The following MRTFA variants were observed in gnomAD, a reference collection of about 807,000 sequenced individuals.
MRTFA encodes myocardin related transcription factor A.
A neutral mutation model predicts 83.5 loss-of-function variants in MRTFA; 20 were observed. The observed-to-expected ratio is 0.24, with a 90% CI of 0.17 to 0.35. The LOEUF (loss-of-function observed/expected upper bound fraction) is 0.35, where lower values mean the gene tolerates loss of function less well. MRTFA is among the 10% of genes least tolerant of loss of function. The pLI is 1.00. For missense variants in MRTFA, 1,200 were observed against 1,224.7 expected, an observed-to-expected ratio of 0.98 and a Z score of 0.30; for synonymous variants, 659 against 541.2, an observed-to-expected ratio of 1.22 and a Z score of -3.02.
At chr22:40,464,599 A>C (rs921716403) in intron 3 of MRTFA, among the ~76,000 whole-genome samples, 2 of 152,122 alleles carry the variant, frequency 1.3e-5, no homozygotes, top group Non-Finnish European at 2.9e-5. Flanking sequence ...TACATAATTA[A>C]GTCTTCAGGT....
chr22:40,469,195 GC>G (rs1279642461), intron 3 of MRTFA, among the ~76,000 whole-genome samples: 1 of 152,168 alleles, frequency 6.6e-6, no homozygotes, highest in Non-Finnish European at 1.5e-5. Context: ...TCAAATGTGT[GC>G]CCCCTCCAAA....
intron 3 of MRTFA, among the ~76,000 whole-genome samples, chr22:40,510,583 AAT>A (rs1292894358): frequency 6.6e-6 from 1 of 152,206 alleles, no homozygotes; most frequent in Non-Finnish European, 1.5e-5. Flanking sequence ...GCTTTCACTG[AAT>A]CATTAAATAA....
intron 3 of MRTFA, among the ~76,000 whole-genome samples, chr22:40,545,105 T>C (rs1002942902): frequency 6.6e-6 from 1 of 152,148 alleles, no homozygotes; most frequent in Non-Finnish European, 1.5e-5. Context: ...ACTGATTCAA[T>C]GGATGCCAGA....
intron 12 of MRTFA, 103 bp downstream of exon 12, chr22:40,418,271 C>T: frequency 6.6e-7 from 1 of 1,513,252 alleles, no homozygotes; most frequent in Non-Finnish European, 8.8e-7. Context: ...GAAGCAAACA[C>T]AAAATGTCCA....
intron 3 of MRTFA, among the ~76,000 whole-genome samples, chr22:40,505,218 G>A (rs1569301779): frequency 6.6e-6 from 1 of 152,106 alleles, no homozygotes; most frequent in East Asian, 1.9e-4. Flanking sequence ...CTCAAAATTA[G>A]CCCCTGCTAA....
intron 3 of MRTFA, among the ~76,000 whole-genome samples, chr22:40,498,007 G>A (rs1241813472): frequency 6.6e-6 from 1 of 151,550 alleles, no homozygotes; most frequent in Non-Finnish European, 1.5e-5. Flanking sequence ...GGGTGTAGTG[G>A]CGCATGCCTG....
intron 1 of MRTFA, among the ~76,000 whole-genome samples, chr22:40,595,287 T>C (rs187471432): frequency 2.0e-5 from 3 of 149,514 alleles, no homozygotes; most frequent in Non-Finnish European, 4.5e-5. Context: ...CGTCGGGCTA[T>C]TTTTTTTTGT....
chr22:40,447,789 G>C (rs1259015403), intron 4 of MRTFA, among the ~76,000 whole-genome samples: 1 of 152,170 alleles, frequency 6.6e-6, no homozygotes, highest in Non-Finnish European at 1.5e-5. Context: ...TGACTTTCCT[G>C]AGATCACATC....
chr22:40,587,446 T>C (rs1271574164), intron 2 of MRTFA: 2 of 343,680 alleles, frequency 5.8e-6, no homozygotes, highest in South Asian at 2.4e-5. Flanking sequence ...CAGCTCTCAT[T>C]TGCTGAGAGG....
chr22:40,435,896 C>T (rs1319245827), intron 4 of MRTFA, among the ~76,000 whole-genome samples: 1 of 150,036 alleles, frequency 6.7e-6, no homozygotes, highest in Non-Finnish European at 1.5e-5. Context: ...GATTGCGCCA[C>T]TGCACTCTAG....
chr22:40,547,134 G>A (rs1434729062), intron 3 of MRTFA, among the ~76,000 whole-genome samples: 5 of 151,772 alleles, frequency 3.3e-5, no homozygotes, highest in African/African-American at 4.8e-5. Flanking sequence ...CAGCCTGGGC[G>A]ACAGAGTGAG....
At chr22:40,585,022 G>A (rs1321622410) in intron 2 of MRTFA, among the ~76,000 whole-genome samples, 1 of 152,154 alleles carries the variant, frequency 6.6e-6, no homozygotes, top group East Asian at 1.9e-4. Flanking sequence ...TTCCAGCCTA[G>A]GCAAAAGAAC....
chr22:40,471,119 C>T (rs568254644), intron 3 of MRTFA, among the ~76,000 whole-genome samples: 6 of 148,908 alleles, frequency 4.0e-5, no homozygotes, highest in Non-Finnish European at 8.9e-5. Flanking sequence ...TGGTAGCTCA[C>T]ACCTGTGATC....
chr22:40,539,553 AGTGCAGTG>A (rs2147292453), intron 3 of MRTFA, among the ~76,000 whole-genome samples: 1 of 144,250 alleles, frequency 6.9e-6, no homozygotes, highest in African/African-American at 2.4e-5. Flanking sequence ...GCCAGGCTGG[AGTGCAGTG>A]GCACGATCTC....
At chr22:40,473,514 C>T (rs928365745) in intron 3 of MRTFA, among the ~76,000 whole-genome samples, 6 of 152,106 alleles carry the variant, frequency 3.9e-5, no homozygotes, top group African/African-American at 1.2e-4. Flanking sequence ...AAGTTCATAG[C>T]CTCCTATAAA....
At position 40,410,860 on chromosome 22, in the gene MRTFA, C is replaced by G. The variant is rs922583886; in HGVS notation, c.*530G>C. 8.6e-6 allele frequency: 2 copies of G among 233,442 alleles called. No individual in the cohort carries two copies. The highest frequency in any genetic ancestry group is 1.2e-4 in the East Asian group (2 of 16,550). The allele number at this position is 233,442 out of a possible 1,614,324, so 14.5% of individuals were successfully genotyped here. A position where few individuals can be genotyped will look rare whatever the true frequency, so the allele number is the denominator to read the frequency against. On this transcript the variant is annotated 3_prime_UTR_variant, in exon 15 of 15. Coordinates refer to ENST00000355630, the MANE Select transcript of MRTFA (RefSeq NM_020831.6). The stretch of plus-strand genomic sequence containing the variant: ...TACATAAAATTGTTGCCACCAACCA[C>G]TAAATGGTTACACTACACCAAGACA...
chr22:40,469,831 AC>A (rs1301063804), intron 3 of MRTFA, among the ~76,000 whole-genome samples: 1 of 152,168 alleles, frequency 6.6e-6, no homozygotes, highest in Non-Finnish European at 1.5e-5. Flanking sequence ...CAACCCCAGC[AC>A]TTTGGGAGGC....
chr22:40,535,352 T>TTTC (rs1555998651), intron 3 of MRTFA, among the ~76,000 whole-genome samples: 1 of 130,666 alleles, frequency 7.7e-6, no homozygotes, highest in African/African-American at 3.3e-5. Context: ...TTTTTTCTTT[T>TTTC]TTTTTTTTTT....
chr22:40,444,770 A>T (rs995556304), intron 4 of MRTFA, among the ~76,000 whole-genome samples: 25 of 146,696 alleles, frequency 1.7e-4, no homozygotes, highest in Middle Eastern at 3.6e-3. Flanking sequence ...TTTATGTTTT[A>T]AAAAAAAAAA....
Sources: allele counts gnomAD v4.1 joint callset (sites outside exome capture counted in the v4.1 genomes callset), GRCh38; gene constraint gnomAD v4.1.1; transcripts MANE v1.5; gene names NCBI Gene and HGNC (gene_info 2026-07-23, HGNC 2026-07-21).